PLXNA3: variants seen among roughly 807,000 people sequenced by gnomAD.
The protein encoded by PLXNA3 is plexin-A3.
A neutral mutation model predicts 118.8 loss-of-function variants in PLXNA3; 52 were observed. That is an observed-to-expected ratio of 0.44 (90% CI 0.35 to 0.55). The LOEUF is 0.55. Among genes scored for constraint, PLXNA3 ranks in the 20% least tolerant of loss-of-function variants. The probability of loss-of-function intolerance (pLI) is 0.01; values close to 1 mark genes in which losing one functional copy is unlikely to be tolerated. For missense variants in PLXNA3, 1,660 were observed against 1,730.8 expected (o/e 0.96, Z 0.73); for synonymous variants, 925 against 762.4 (o/e 1.21, Z -3.51).
In PLXNA3 at chrX:154,468,645, C is replaced by A. The variant is rs782216591; in HGVS notation, c.4221-18C>A. Reference sequence around the variant, plus strand: ...AGCCCCACCCCTGCCAGGCCCGAGCCCCCTTCTCTTGCCCTAGGACAGAGT... The same window carrying A: ...AGCCCCACCCCTGCCAGGCCCGAGCACCCTTCTCTTGCCCTAGGACAGAGT... On this transcript the variant is annotated intron_variant, in intron 23 of 32. Coordinates refer to ENST00000369682, the MANE Select transcript of PLXNA3 (RefSeq NM_017514.5). 2 of 1,211,128 alleles carry A rather than the reference C, an allele frequency of 1.7e-6. No homozygotes were observed. The highest frequency in any genetic ancestry group is 5.9e-5 in the East Asian group (2 of 33,876).
chrX:154,462,291 G>A lies in PLXNA3; in HGVS notation c.1298G>A (p.Arg433His), dbSNP rs141197316. The change falls in exon 4 of 33, where the codon CGC (arginine) becomes CAC (histidine). Residue 433 changes from arginine to histidine, a missense_variant. Arg to His is a conservative substitution (Grantham distance 29, BLOSUM62 0). Around this residue, in one of 2 missense-constraint regions of PLXNA3, gnomAD observed 791 missense variants for 652.1 expected, o/e 1.21. Coordinates refer to ENST00000369682, the MANE Select transcript of PLXNA3 (RefSeq NM_017514.5). ...CACTCTGTGGTCTTCATTGGCACGC[G>A]CAGCGGCAGCTTGAAGAAGGTGGCC... ...RQHSVVFIGT[R>H]SGSLKKVRVD... The A allele has an allele frequency of 0.011, 12,778 of 1,155,106 alleles. 59 individuals are homozygous for A. Among genetic ancestry groups the A allele is most frequent in the Non-Finnish European group, 0.013 (10,957 of 866,857 alleles).
chrX:154,463,738 AG>A, intron 6 of PLXNA3, 48 bp downstream of exon 6: 1 of 1,052,146 alleles, frequency 9.5e-7, no homozygotes, highest in Non-Finnish European at 1.3e-6. Flanking sequence ...CCCACTGGCC[AG>A]GGGGAGCCAG....
intron 11 of PLXNA3, 76 bp from the exon 12 acceptor site, chrX:154,465,348 G>C: frequency 2.9e-6 from 3 of 1,042,629 alleles, no homozygotes; most frequent in Non-Finnish European, 4.0e-6. Flanking sequence ...ACCTGGAGGA[G>C]GGGGGCAGCT....
chrX:154,472,023 A>G (rs1286120125), intron 32 of PLXNA3, among the ~76,000 whole-genome samples: 5 of 111,982 alleles, frequency 4.5e-5, no homozygotes, highest in Non-Finnish European at 9.4e-5. Flanking sequence ...ATGAGCTCAC[A>G]GGGAAGCCAC....
chrX:154,467,436 C>G lies in PLXNA3; in HGVS notation c.3406C>G (p.Leu1136Val), dbSNP rs1557207605. 8.4e-7 allele frequency: 1 copy of G among 1,193,025 alleles called. No individual in the cohort carries two copies. The highest frequency in any genetic ancestry group is 1.1e-6 in the Non-Finnish European group (1 of 889,890). The change falls in exon 19 of 33, where the codon CTG becomes GTG. Residue 1136 changes from leucine to valine, a missense_variant. Physicochemically the swap from Leu to Val is conservative, Grantham distance 32. Around this residue, in one of 2 missense-constraint regions of PLXNA3, gnomAD observed 869 missense variants for 1,078.7 expected, o/e 0.81. Transcript: ENST00000369682. ...TGAGCCGCTGGGGCCCTCTGGCGTGCTGGACGTCAAACCGGGCTCCCACGT... is the reference window on the plus strand; with the variant it reads ...TGAGCCGCTGGGGCCCTCTGGCGTGGTGGACGTCAAACCGGGCTCCCACGT... ...SFEPLGPSGVLDVKPGSHVVL... is the reference protein window; with the variant it reads ...SFEPLGPSGVVDVKPGSHVVL...
Position 154,460,701 on chromosome X carries a change from G to A in PLXNA3, c.518G>A (p.Gly173Asp), listed in dbSNP as rs1557203693. The A allele has an allele frequency of 8.7e-7, 1 of 1,145,986 alleles. No individual in the cohort carries two copies. Among genetic ancestry groups the A allele is most frequent in the Non-Finnish European group, 1.2e-6 (1 of 866,870 alleles). 94.4% of individuals were successfully genotyped at this position (1,145,986 alleles called of 1,213,427 possible). The change falls in exon 2 of 33, where the codon GGC (glycine) becomes GAC (aspartate). Residue 173 changes from glycine to aspartate, a missense_variant. This residue lies in a region of PLXNA3 where 791 missense variants were observed against 652.1 expected (regional missense o/e 1.21). Coordinates refer to ENST00000369682, the MANE Select transcript of PLXNA3 (RefSeq NM_017514.5). ...CTGTTTGTGGGCACTGCTGTCGACG[G>A]CAAGTCGGAGTACTTCCCCACCTTG... The part of the protein sequence containing the change: ...SKLFVGTAVD[G>D]KSEYFPTLSS...
rs1429903848 is a variant in PLXNA3, at chrX:154,464,316, C to T, written c.1828+3C>T. On this transcript the variant is annotated splice_donor_region_variant and intron_variant, in intron 8 of 32. Coordinates refer to ENST00000369682, the MANE Select transcript of PLXNA3 (RefSeq NM_017514.5). ...CCGAGCTCTTACCAGGGGGCATGGT[C>T]AGTGGGTTGGGGCTGCCCAGGATGG... 8.3e-7 allele frequency: 1 copy of T among 1,206,821 alleles called. No homozygotes were observed. Among genetic ancestry groups the T allele is most frequent in the Non-Finnish European group, 1.1e-6 (1 of 894,016 alleles).
At position 154,470,015 on chromosome X, in the gene PLXNA3, C is replaced by A; in HGVS notation, c.4834C>A (p.Arg1612Ser). ...CACGGCCAGCAGCCCTGATAGCCTC[C>A]GCTCACGGGCACCCATGATTACGCC... ...LRTASSPDSL[R>S]SRAPMITPDQ... The change falls in exon 29 of 33, where the codon CGC becomes AGC. Residue 1612 changes from arginine (R) to serine (S), a missense_variant. By Grantham distance (110) the Arg-to-Ser change is moderately radical. Transcript: ENST00000369682. 1 of 1,211,273 alleles carries A rather than the reference C, an allele frequency of 8.3e-7. No individual in the cohort carries two copies. The highest frequency in any genetic ancestry group is 1.1e-6 in the Non-Finnish European group (1 of 895,328).
rs916932873 is a variant in PLXNA3 at position 154,477,120 on chromosome X, C to T, written c.*4435C>T. ...AGCAGGACAGGGACTAGCAGCTGTC[C>T]CCACCCACCAGGATAGAGAAGCTCA... On this transcript the variant is annotated 3_prime_UTR_variant, in exon 33 of 33. Coordinates refer to ENST00000369682, the MANE Select transcript of PLXNA3 (RefSeq NM_017514.5). 4 of 111,499 alleles carry T rather than the reference C, an allele frequency of 3.6e-5. No homozygotes were observed. The highest frequency in any genetic ancestry group is 1.3e-4 in the African/African-American group (4 of 30,568). 9.2% of individuals were successfully genotyped at this position (111,499 alleles called of 1,213,427 possible). A position where few individuals can be genotyped will look rare whatever the true frequency, so the allele number is the denominator to read the frequency against.
At position 154,460,457 on chromosome X, in the gene PLXNA3, C is replaced by G. The variant is rs782035047; in HGVS notation, c.274C>G (p.Pro92Ala). Reference sequence around the variant, plus strand: ...GCGCGTGTGTGCCCACCGCCTGGCCCCCGTGGACAACATCAACAAGCTGCT... The same window carrying G: ...GCGCGTGTGTGCCCACCGCCTGGCCGCCGTGGACAACATCAACAAGCTGCT... The part of the protein sequence containing the change: ...SMRVCAHRLA[P>A]VDNINKLLLI... Residue 92 changes from proline (P) to alanine (A), a missense_variant, in exon 2 of 33, where the codon CCC becomes GCC. Physicochemically the swap from Pro to Ala is conservative, Grantham distance 27. Around this residue, in one of 2 missense-constraint regions of PLXNA3, gnomAD observed 791 missense variants for 652.1 expected, o/e 1.21. Coordinates refer to ENST00000369682, the MANE Select transcript of PLXNA3 (RefSeq NM_017514.5). 1 of 1,204,813 alleles carries G rather than the reference C, an allele frequency of 8.3e-7. No homozygotes were observed. The highest frequency in any genetic ancestry group is 1.1e-6 in the Non-Finnish European group (1 of 891,091).
At position 154,473,088 on chromosome X, in the gene PLXNA3, C is replaced by T. The variant is rs1330775741; in HGVS notation, c.*403C>T. ...CTCACCTGCCTCTTCTTGAGCTGTC[C>T]TGGGCCCTGCCACCCGTCTGGGCTC... On this transcript the variant is annotated 3_prime_UTR_variant, in exon 33 of 33. Coordinates refer to ENST00000369682, the MANE Select transcript of PLXNA3 (RefSeq NM_017514.5). 8.0e-6 allele frequency: 1 copy of T among 125,260 alleles called. No individual in the cohort carries two copies. The highest frequency in any genetic ancestry group is 3.2e-5 in the African/African-American group (1 of 31,702). 10.3% of individuals were successfully genotyped at this position (125,260 alleles called of 1,213,427 possible).
Position 154,470,466 on chromosome X carries a change from G to T in PLXNA3, c.5011G>T (p.Asp1671Tyr). 8.3e-7 allele frequency: 1 copy of T among 1,210,987 alleles called. No individual in the cohort carries two copies. Among genetic ancestry groups the T allele is most frequent in the Non-Finnish European group, 1.1e-6 (1 of 895,116 alleles). The part of the protein sequence containing the change: ...TKGTLQKFVD[D>Y]LFETVFSTAH... ...GGGCACACTGCAGAAGTTCGTGGATGACCTCTTTGAGACAGTGTTCAGCAC... is the reference window on the plus strand; with the variant it reads ...GGGCACACTGCAGAAGTTCGTGGATTACCTCTTTGAGACAGTGTTCAGCAC... Residue 1671 changes from aspartate (D) to tyrosine (Y), a missense_variant, in exon 30 of 33, where the codon GAC (aspartate) becomes TAC (tyrosine). Around this residue, in one of 2 missense-constraint regions of PLXNA3, gnomAD observed 869 missense variants for 1,078.7 expected, o/e 0.81. Transcript: ENST00000369682.
chrX:154,470,154 TGCTGGCCACCA>T lies in PLXNA3; in HGVS notation c.4974_4984del (p.Leu1659GlyfsTer9), dbSNP rs2069162766. 1 of 1,209,124 alleles carries T rather than the reference TGCTGGCCACCA, an allele frequency of 8.3e-7. No individual in the cohort carries two copies. On this transcript the variant is annotated frameshift_variant and splice_region_variant, in exon 29 of 33. Transcript: ENST00000369682. LOFTEE classifies it high-confidence loss of function. Reference sequence around the variant, plus strand: ...GTCTCCGAGATCTACCTGACACGGCTGCTGGCCACCAAGGTATGGGCCTGCCTCTCGCCACC... The same window carrying T: ...GTCTCCGAGATCTACCTGACACGGCTAGGTATGGGCCTGCCTCTCGCCACC...
At position 154,469,101 on chromosome X, in the gene PLXNA3, C is replaced by T; in HGVS notation, c.4480C>T (p.Pro1494Ser). Residue 1494 changes from proline (P) to serine (S), a missense_variant, in exon 26 of 33, where the codon CCA becomes TCA. Around this residue, in one of 2 missense-constraint regions of PLXNA3, gnomAD observed 869 missense variants for 1,078.7 expected, o/e 0.81. Coordinates refer to ENST00000369682, the MANE Select transcript of PLXNA3 (RefSeq NM_017514.5). ...GGAGAACGAGGGCAGCGCCCAGGTC[C>T]CAGTGAAGGTTCTCAACTGTGACAG... ...CPENEGSAQV[P>S]VKVLNCDSIT... is the part of the protein sequence containing the mutation. 1 of 1,211,153 alleles carries T rather than the reference C, an allele frequency of 8.3e-7. No individual in the cohort carries two copies. Among genetic ancestry groups the T allele is most frequent in the Non-Finnish European group, 1.1e-6 (1 of 895,316 alleles).
chrX:154,466,793 A>C lies in PLXNA3; in HGVS notation c.3107A>C (p.Asn1036Thr). ...CTTGAGCCCACCTGGAGCATCATCA[A>C]GTAAGACCCTGGGGGACTGGGGAGC... ...TRLEPTWSII[N>T]GSTAITVSGT... Residue 1036 changes from asparagine (N) to threonine (T), a missense_variant and splice_region_variant, in exon 17 of 33, where the codon AAT (asparagine) becomes ACT (threonine). Transcript: ENST00000369682. 1 of 1,175,422 alleles carries C rather than the reference A, an allele frequency of 8.5e-7. No individual in the cohort carries two copies. The highest frequency in any genetic ancestry group is 1.1e-6 in the Non-Finnish European group (1 of 876,304).
chrX:154,462,112 T>C lies in PLXNA3; in HGVS notation c.1135-16T>C, dbSNP rs1291306569. ...GGGAGCTTTGACTCTCACGGGTTCC[T>C]CCTCTGTTTCACCAGCCCATGCAGA... is the stretch of plus-strand genomic sequence containing the variant. On this transcript the variant is annotated splice_polypyrimidine_tract_variant and intron_variant, in intron 3 of 32. Transcript: ENST00000369682. 6 of 1,161,822 alleles carry C rather than the reference T, an allele frequency of 5.2e-6. No homozygotes were observed. Among genetic ancestry groups the C allele is most frequent in the Non-Finnish European group, 6.9e-6 (6 of 869,313 alleles).
intron 22 of PLXNA3, 38 bp downstream of exon 22, chrX:154,468,262 C>T: frequency 8.5e-7 from 1 of 1,182,931 alleles, no homozygotes; most frequent in Non-Finnish European, 1.1e-6. Context: ...CCATTCCCTT[C>T]AGGGCCGCCC....
In PLXNA3 at chrX:154,460,199, C is replaced by T; in HGVS notation, c.16C>T (p.Leu6Phe). 2 of 1,205,775 alleles carry T rather than the reference C, an allele frequency of 1.7e-6. No individual in the cohort carries two copies. Among genetic ancestry groups the T allele is most frequent in the Non-Finnish European group, 2.2e-6 (2 of 891,561 alleles). Residue 6 changes from leucine to phenylalanine, a missense_variant, in exon 2 of 33, where the codon CTC becomes TTC. Around this residue, in one of 2 missense-constraint regions of PLXNA3, gnomAD observed 791 missense variants for 652.1 expected, o/e 1.21. Coordinates refer to ENST00000369682, the MANE Select transcript of PLXNA3 (RefSeq NM_017514.5). MPSVCLLLLLFLAVGG... is the reference protein window; with the variant it reads MPSVCFLLLLFLAVGG... The stretch of plus-strand genomic sequence containing the variant: ...GCTGCCGGCCATGCCCTCTGTCTGC[C>T]TCCTCCTGCTGCTCTTCCTTGCCGT...
intron 29 of PLXNA3, 95 bp from the exon 30 acceptor site, chrX:154,470,347 C>G: frequency 2.0e-6 from 2 of 1,004,281 alleles, no homozygotes; most frequent in Admixed American, 2.6e-5. Context: ...AGGGAAGCCC[C>G]TCTCTTTGCC....
Sources: gnomAD v4.1 joint callset for allele counts (sites outside exome capture counted in the v4.1 genomes callset) on GRCh38, gnomAD v4.1.1 for gene constraint, gnomAD v4.1.1 regional missense constraint, MANE v1.5 for transcripts, NCBI Gene and HGNC (gene_info 2026-07-23, HGNC 2026-07-21) for gene names.